Variants in LIPA observed in about 807,000 individuals in gnomAD.
LIPA encodes the protein lysosomal acid lipase/cholesteryl ester hydrolase.
In LIPA, 26 loss-of-function variants were observed where a neutral mutation model predicts 40.6. The ratio of observed to expected loss-of-function variants is 0.64; its 90% confidence interval spans 0.47 to 0.89. The LOEUF is 0.89. Ranked by LOEUF, LIPA falls within the 40% of genes least tolerant of loss-of-function variation. The pLI is 0.00. For synonymous variants in LIPA, 188 were observed against 168.4 expected, an observed-to-expected ratio of 1.12 and a Z score of -0.90; for missense variants, 455 against 479.6, an observed-to-expected ratio of 0.95 and a Z score of 0.48.
chr10:89,350,481 A>G (rs1046275390), intron 2 of LIPA, among the ~76,000 whole-genome samples: 3 of 151,742 alleles, frequency 2.0e-5, no homozygotes, highest in Non-Finnish European at 2.9e-5. Context: ...CATTTTTTGT[A>G]TTTTTAGTAG....
At chr10:89,344,555 T>C (rs1345523472), upstream of LIPA, among the ~76,000 whole-genome samples, 6 of 151,456 alleles carry the variant, frequency 4.0e-5, no homozygotes, top group Non-Finnish European at 7.4e-5. Context: ...TAATTTCTAA[T>C]CTTAAGTGGA....
At chr10:89,402,253 CAAAG>C (rs1182107576) in intron 2 of LIPA, 3 of 1,478,000 alleles carry the variant, frequency 2.0e-6, no homozygotes, top group Non-Finnish European at 2.8e-6. Flanking sequence ...CCTCACCTAA[CAAAG>C]AAAATCTGTT....
chr10:89,224,982 A>G (rs968094757), intron 6 of LIPA, 110 bp downstream of exon 6: 109 of 1,345,178 alleles, frequency 8.1e-5, no homozygotes, highest in Non-Finnish European at 8.5e-6. Context: ...TGCTCCACTG[A>G]TATCAAAACG....
chr10:89,404,749 G>C (rs1256493112), intron 2 of LIPA: 2 of 152,244 alleles, frequency 1.3e-5, no homozygotes, highest in African/African-American at 4.8e-5. Context: ...GAACCCAGGA[G>C]TTCGAGAGCA....
chr10:89,323,113 A>C (rs1312795959), intron 1 of LIPA, among the ~76,000 whole-genome samples: 1 of 152,196 alleles, frequency 6.6e-6, no homozygotes, highest in Non-Finnish European at 1.5e-5. Context: ...CCTTTATAAA[A>C]TTCTTGTTTC....
intron 2 of LIPA, among the ~76,000 whole-genome samples, chr10:89,358,485 T>C (rs1844001481): frequency 6.6e-6 from 1 of 152,200 alleles, no homozygotes; most frequent in African/African-American, 2.4e-5. Flanking sequence ...CTCATGTTCA[T>C]TGGAGCACCA....
At chr10:89,271,250 G>A (rs1242597321) in intron 1 of LIPA, among the ~76,000 whole-genome samples, 1 of 152,208 alleles carries the variant, frequency 6.6e-6, no homozygotes, top group East Asian at 1.9e-4. Flanking sequence ...GGCCAATGCA[G>A]TACTCCTGTC....
intron 1 of LIPA, among the ~76,000 whole-genome samples, chr10:89,273,194 TG>T (rs578256153): frequency 1.4e-4 from 22 of 151,820 alleles, no homozygotes; most frequent in South Asian, 6.2e-4. Context: ...TTTTTCTCTT[TG>T]TTTTTTGTAA....
At chr10:89,412,821 C>T in exon 2 of LIPA, 1 of 405,672 alleles carries the variant, frequency 2.5e-6, no homozygotes, top group Non-Finnish European at 4.9e-6. Flanking sequence ...CACATCTGAA[C>T]ATCGAAAGGA....
intron 2 of LIPA, among the ~76,000 whole-genome samples, chr10:89,396,438 C>G (rs998134813): frequency 6.6e-6 from 1 of 152,142 alleles, no homozygotes; most frequent in African/African-American, 2.4e-5. Flanking sequence ...TGGAGAAGGT[C>G]AAAGGGGAAG....
chr10:89,334,385 T>C (rs992122676), intron 1 of LIPA, among the ~76,000 whole-genome samples: 1 of 151,914 alleles, frequency 6.6e-6, no homozygotes, highest in African/African-American at 2.4e-5. Context: ...CCTAAGGTCT[T>C]CTACTAGATG....
chr10:89,307,567 G>A (rs1251414468), intron 1 of LIPA: 1 of 517,666 alleles, frequency 1.9e-6, no homozygotes, highest in Non-Finnish European at 3.4e-6. Flanking sequence ...TTCTGGGAGA[G>A]GGACCAGATT....
At chr10:89,289,576 T>C (rs1301023222) in intron 1 of LIPA, among the ~76,000 whole-genome samples, 1 of 152,208 alleles carries the variant, frequency 6.6e-6, no homozygotes, top group Non-Finnish European at 1.5e-5. Context: ...TCTTCCCTTC[T>C]GTGAGACAAA....
chr10:89,350,146 A>C (rs565660603), intron 2 of LIPA, among the ~76,000 whole-genome samples: 30 of 152,230 alleles, frequency 2.0e-4, no homozygotes, highest in Admixed American at 2.0e-3. Flanking sequence ...TAAGATGCTC[A>C]ATAAGTCTGA....
At chr10:89,227,920 T>C (rs1677222334) in intron 4 of LIPA, among the ~76,000 whole-genome samples, 1 of 152,242 alleles carries the variant, frequency 6.6e-6, no homozygotes, top group Non-Finnish European at 1.5e-5. Flanking sequence ...AGGAAAGTTA[T>C]GGAATAACGT....
At chr10:89,293,123 C>A (rs1227141753) in intron 1 of LIPA, among the ~76,000 whole-genome samples, 4 of 152,134 alleles carry the variant, frequency 2.6e-5, no homozygotes, top group Non-Finnish European at 5.9e-5. Flanking sequence ...CCATATTATT[C>A]TCATGATAAT....
chr10:89,373,334 CAA>C (rs34479360), intron 2 of LIPA, among the ~76,000 whole-genome samples: 17,025 of 61,810 alleles, frequency 0.28, 509 homozygotes, highest in Non-Finnish European at 0.3. Context: ...GACTCCCTCT[CAA>C]AAAAAAAAAA....
intron 2 of LIPA, chr10:89,402,461 A>C: frequency 6.2e-7 from 1 of 1,614,220 alleles, no homozygotes. Context: ...CCTATGTGAA[A>C]CACCTGAAAG....
intron 1 of LIPA, among the ~76,000 whole-genome samples, chr10:89,312,830 T>C (rs1843523494): frequency 6.6e-6 from 1 of 151,248 alleles, no homozygotes. Context: ...ATAATAATAA[T>C]AATAATCCAG....
Sources: gnomAD v4.1 joint callset for allele counts (sites outside exome capture counted in the v4.1 genomes callset) on GRCh38, gnomAD v4.1.1 for gene constraint, MANE v1.5 for transcripts, NCBI Gene and HGNC (gene_info 2026-07-23, HGNC 2026-07-21) for gene names.